The following CTDSPL2 variants were observed in gnomAD, a reference collection of about 807,000 sequenced individuals.
CTDSPL2 encodes the protein CTD small phosphatase-like protein 2.
A neutral mutation model predicts 60.0 loss-of-function variants in CTDSPL2; 5 were observed. The ratio of observed to expected loss-of-function variants is 0.08; its 90% CI spans 0.04 to 0.18. CTDSPL2 has a LOEUF of 0.18. CTDSPL2 is among the 10% of genes least tolerant of loss of function. CTDSPL2 has a pLI of 1.00. For missense variants in CTDSPL2, 370 were observed against 548.8 expected (o/e 0.67, Z 3.26); for synonymous variants, 186 against 189.3 (o/e 0.98, Z 0.14).
chr15:44,454,157 G>C (rs2080387684), intron 1 of CTDSPL2, among the ~76,000 whole-genome samples: 1 of 152,198 alleles, frequency 6.6e-6, no homozygotes, highest in African/African-American at 2.4e-5. Flanking sequence ...TTGTGGTTTT[G>C]ATTTGCATTT....
intron 8 of CTDSPL2, among the ~76,000 whole-genome samples, chr15:44,507,675 CA>C (rs1258421860): frequency 6.6e-6 from 1 of 152,158 alleles, no homozygotes; most frequent in African/African-American, 2.4e-5. Context: ...CTAAATTAAA[CA>C]GTTTACTGAA....
intron 2 of CTDSPL2, among the ~76,000 whole-genome samples, chr15:44,470,307 G>GTATC (rs1255131381): frequency 6.6e-6 from 1 of 151,920 alleles, no homozygotes; most frequent in African/African-American, 2.4e-5. Context: ...ATATTATGAT[G>GTATC]TATCTCATTA....
At chr15:44,497,458 C>G (rs573085403) in intron 7 of CTDSPL2, among the ~76,000 whole-genome samples, 2 of 152,190 alleles carry the variant, frequency 1.3e-5, no homozygotes, top group Admixed American at 6.5e-5. Context: ...CTCCGCCTCC[C>G]GGGTTTACAC....
rs549231980 is a variant in CTDSPL2, at chr15:44,431,242, A to C, written c.-25+3470A>C. On this transcript the variant is annotated intron_variant, in intron 1 of 12. Transcript: ENST00000260327. ...CTCCCAAAGTGCTGGGCTTACCGGC[A>C]TGAGCCACTGCACCCGGCTCATGAT... Among the ~76,000 whole-genome samples the C allele has an allele frequency of 3.9e-5, 6 of 151,950 alleles. No individual in the cohort carries two copies. The East Asian group carries it at 1.2e-3, about 29-fold the overall frequency.
At position 44,486,577 on chromosome 15, in the gene CTDSPL2, C is replaced by G; in HGVS notation, c.352C>G (p.Gln118Glu). 1 of 1,580,176 alleles carries G rather than the reference C, an allele frequency of 6.3e-7. No homozygotes were observed. The highest frequency in any genetic ancestry group is 2.3e-5 in the East Asian group (1 of 44,378). The change falls in exon 4 of 13, where the codon CAA (glutamine) becomes GAA (glutamate). Residue 118 changes from glutamine to glutamate, a missense_variant. By Grantham distance (29) the Gln-to-Glu change is conservative. This residue lies in a region of CTDSPL2 where 287 missense variants were observed against 296.1 expected (regional missense o/e 0.97). Coordinates refer to ENST00000260327, the MANE Select transcript of CTDSPL2 (RefSeq NM_016396.3). ...AGCTGGTAGTTATGAAATGACAAATCAACATGTAAAACAAAATGGAAAATT... is the reference window on the plus strand; with the variant it reads ...AGCTGGTAGTTATGAAATGACAAATGAACATGTAAAACAAAATGGAAAATT... ...GEAGSYEMTNQHVKQNGKLED... is the reference protein window; with the variant it reads ...GEAGSYEMTNEHVKQNGKLED...
intron 2 of CTDSPL2, among the ~76,000 whole-genome samples, chr15:44,471,468 A>G (rs539981148): frequency 5.3e-5 from 8 of 152,282 alleles, no homozygotes; most frequent in East Asian, 1.9e-4. Context: ...ATACAGCTCT[A>G]TGAGTTTGGG....
intron 2 of CTDSPL2, among the ~76,000 whole-genome samples, chr15:44,463,474 G>A (rs577274291): frequency 6.6e-5 from 10 of 152,264 alleles, no homozygotes; most frequent in South Asian, 2.1e-4. Context: ...TTTGGGTAAG[G>A]TTTTTCATAC....
At chr15:44,482,896 C>G (rs1425447347) in intron 2 of CTDSPL2, among the ~76,000 whole-genome samples, 1 of 152,054 alleles carries the variant, frequency 6.6e-6, no homozygotes, top group Admixed American at 6.5e-5. Context: ...CTAATCCTTA[C>G]CAAAAGATTT....
chr15:44,484,865 A>G (rs989234604), intron 3 of CTDSPL2, among the ~76,000 whole-genome samples: 10 of 152,250 alleles, frequency 6.6e-5, no homozygotes, highest in African/African-American at 2.4e-4. Context: ...GTAAGTAAAG[A>G]TAGAGTATAT....
chr15:44,477,388 A>G lies in CTDSPL2; in HGVS notation c.187-6836A>G, dbSNP rs558098073. Among the ~76,000 whole-genome samples the G allele has an allele frequency of 9.5e-4, 144 of 151,614 alleles. 1 individual carries two copies. The highest frequency in any genetic ancestry group is 2.3e-3 in the Admixed American group (35 of 15,218). ...TCTCTACAAAAAAATTTTGTTTTCAATTTGCTGGACTTGGTGTGTGCCTGT... is the reference window on the plus strand; with the variant it reads ...TCTCTACAAAAAAATTTTGTTTTCAGTTTGCTGGACTTGGTGTGTGCCTGT... On this transcript the variant is annotated intron_variant, in intron 2 of 12. Transcript: ENST00000260327.
chr15:44,481,725 C>T (rs2081030232), intron 2 of CTDSPL2, among the ~76,000 whole-genome samples: 1 of 152,112 alleles, frequency 6.6e-6, no homozygotes, highest in African/African-American at 2.4e-5. Flanking sequence ...AGATATGTAC[C>T]ACCATGCCTG....
chr15:44,480,227 C>T (rs991607658), intron 2 of CTDSPL2, among the ~76,000 whole-genome samples: 1 of 152,182 alleles, frequency 6.6e-6, no homozygotes, highest in Non-Finnish European at 1.5e-5. Context: ...CCCAACTCCC[C>T]TCCCCCTTAT....
intron 8 of CTDSPL2, among the ~76,000 whole-genome samples, chr15:44,507,032 G>T (rs1207558948): frequency 6.6e-6 from 1 of 151,336 alleles, no homozygotes; most frequent in Non-Finnish European, 1.5e-5. Flanking sequence ...CTCCCAAAGT[G>T]CTGAGATTAC....
intron 2 of CTDSPL2, among the ~76,000 whole-genome samples, chr15:44,464,527 A>G (rs945628891): frequency 1.3e-5 from 2 of 152,170 alleles, no homozygotes; most frequent in African/African-American, 4.8e-5. Context: ...GACGCTGTCT[A>G]GAAGTCCAAG....
chr15:44,433,918 A>C (rs1304963970), intron 1 of CTDSPL2, among the ~76,000 whole-genome samples: 18 of 148,150 alleles, frequency 1.2e-4, no homozygotes, highest in African/African-American at 4.0e-4. Flanking sequence ...GCGCCACTGC[A>C]CTCCAGCCTG....
At chr15:44,495,956 C>T (rs2081292607) in intron 5 of CTDSPL2, among the ~76,000 whole-genome samples, 1 of 151,958 alleles carries the variant, frequency 6.6e-6, no homozygotes, top group African/African-American at 2.4e-5. Context: ...AAAAAACCTA[C>T]ATTTGGGTCT....
At chr15:44,484,417 A>G (rs560151678) in intron 3 of CTDSPL2, 55 bp downstream of exon 3, 35 of 1,498,324 alleles carry the variant, frequency 2.3e-5, no homozygotes, top group Non-Finnish European at 3.1e-5. Flanking sequence ...ATCTCACCTG[A>G]CACATTTCTT....
At chr15:44,489,534 A>G (rs1326628504) in intron 4 of CTDSPL2, among the ~76,000 whole-genome samples, 1 of 152,194 alleles carries the variant, frequency 6.6e-6, no homozygotes, top group East Asian at 1.9e-4. Flanking sequence ...TTAATACAGT[A>G]TTAGAATTTT....
intron 12 of CTDSPL2, among the ~76,000 whole-genome samples, 186 bp downstream of exon 12, chr15:44,521,592 G>T (rs2081768942): frequency 6.6e-6 from 1 of 152,070 alleles, no homozygotes. Context: ...GATTGATTGA[G>T]CCTAGGAATT....
Sources: gnomAD v4.1 joint callset for allele counts (sites outside exome capture counted in the v4.1 genomes callset) on GRCh38, gnomAD v4.1.1 for gene constraint, gnomAD v4.1.1 regional missense constraint, MANE v1.5 for transcripts, NCBI Gene and HGNC (gene_info 2026-07-23, HGNC 2026-07-21) for gene names.